Variants in MICB observed in about 807,000 individuals in gnomAD.
MICB encodes the protein MHC class I polypeptide-related sequence B, also known as MHC class I antigen-related protein B.
Under a neutral mutation model 34.3 loss-of-function variants are expected in MICB, and 27 were observed. The ratio of observed to expected loss-of-function variants is 0.79; its 90% CI spans 0.58 to 1.08. The LOEUF is 1.08. Among genes scored for constraint, MICB ranks in the 50% least tolerant of loss-of-function variants. The probability of loss-of-function intolerance (pLI) is 0.00; values close to 1 mark genes in which losing one functional copy is unlikely to be tolerated. For missense variants in MICB, 426 were observed against 483.1 expected, an observed-to-expected ratio of 0.88 and a Z score of 1.11; for synonymous variants, 153 against 187.4, an observed-to-expected ratio of 0.82 and a Z score of 1.50.
At chr6:31,508,383 G>C (rs1765473569) in intron 5 of MICB, among the ~76,000 whole-genome samples, 1 of 152,222 alleles carries the variant, frequency 6.6e-6, no homozygotes, top group Admixed American at 6.5e-5. Context: ...CAGAAGTTTT[G>C]TGTTTCTGCA....
chr6:31,503,241 T>C (rs1408656335), intron 1 of MICB, among the ~76,000 whole-genome samples: 4 of 152,270 alleles, frequency 2.6e-5, no homozygotes, highest in Admixed American at 2.6e-4. Flanking sequence ...CCTGGCTTTG[T>C]AAAATGAGTT....
chr6:31,498,062 C>T (rs1764764238), upstream of MICB: 1 of 573,660 alleles, frequency 1.7e-6, no homozygotes, highest in Admixed American at 3.8e-5. Context: ...GCCCTAAGTT[C>T]CGGGCCTCAG....
chr6:31,499,815 G>C (rs1456975475), intron 1 of MICB, among the ~76,000 whole-genome samples: 5 of 152,084 alleles, frequency 3.3e-5, no homozygotes, highest in African/African-American at 1.2e-4. Flanking sequence ...TTGGGACCTT[G>C]TGCTGCTCCT....
At chr6:31,503,098 T>A (rs4713468) in intron 1 of MICB, among the ~76,000 whole-genome samples, 51,425 of 152,072 alleles carry the variant, frequency 0.34, 8,836 homozygotes, top group East Asian at 0.46. Flanking sequence ...TGAAGAATGA[T>A]CTTTTTAATA....
rs530054404 is a variant in MICB, at chr6:31,509,925, G to A, written c.*16G>A. ...GGGCACCTAGACTCTACAGCCAGGCGGCCAGGATTCAACTCCCTGCCTGGA... is the reference window on the plus strand; with the variant it reads ...GGGCACCTAGACTCTACAGCCAGGCAGCCAGGATTCAACTCCCTGCCTGGA... On this transcript the variant is annotated 3_prime_UTR_variant, in exon 6 of 6. Transcript: ENST00000252229. 145 of 1,584,756 alleles carry A rather than the reference G, an allele frequency of 9.1e-5. No individual in the cohort carries two copies. The East Asian group carries it at 1.8e-3, about 20-fold the overall frequency.
intron 1 of MICB, among the ~76,000 whole-genome samples, chr6:31,502,371 G>A (rs3095232): frequency 0.8 from 122,075 of 152,128 alleles, 49,259 homozygotes; most frequent in East Asian, 0.89. Flanking sequence ...CTTCCAGTCC[G>A]TGAACATGGA....
rs1449792562 is a variant in MICB, at chr6:31,498,232, C to T, written c.39C>T (p.Ala13=). Residue 13 remains alanine, a synonymous_variant, in exon 1 of 6, where the codon GCC becomes GCT. Transcript: ENST00000252229. The part of the protein sequence containing the change: ...LGRVLLFLAV[A]FPFAPPAAAA... Reference sequence around the variant, plus strand: ...GGGTCCTGCTGTTTCTGGCCGTCGCCTTCCCTTTTGCACCCCCGGCAGCCG... The same window carrying T: ...GGGTCCTGCTGTTTCTGGCCGTCGCTTTCCCTTTTGCACCCCCGGCAGCCG... The T allele has an allele frequency of 3.2e-6, 5 of 1,584,908 alleles. No homozygotes were observed. In the East Asian group the frequency reaches 7.3e-5, roughly 23 times the overall value.
At chr6:31,499,189 G>C (rs777460230) in intron 1 of MICB, among the ~76,000 whole-genome samples, 46 of 151,900 alleles carry the variant, frequency 3.0e-4, no homozygotes, top group Middle Eastern at 6.8e-3. Flanking sequence ...TGCGACTTCT[G>C]TCATCCCCAG....
rs747435543 is a variant in MICB, at chr6:31,507,010, T to G, written c.614-12T>G. On this transcript the variant is annotated splice_polypyrimidine_tract_variant and intron_variant, in intron 3 of 5. Transcript: ENST00000252229. This position sits in a 1 kb window ranked among gnomAD's most constrained non-coding sequence, Gnocchi z 6.0. ...GAGCAGGGCTTCACTGGCTCTGCCC[T>G]TTCTTCTCCAGTGCCCCCCATGGTG... 6.2e-7 allele frequency: 1 copy of G among 1,609,896 alleles called. No homozygotes were observed. Among genetic ancestry groups the G allele is most frequent in the South Asian group, 1.1e-5 (1 of 90,386 alleles).
rs901099737 is a variant in MICB, at chr6:31,510,821, C to T, written c.*912C>T. On this transcript the variant is annotated 3_prime_UTR_variant, in exon 6 of 6. Transcript: ENST00000252229. ...TTGGCATCCCAAAGTGCTGGGATTA[C>T]AAGAATGAGCCACCGTGCCTGGCCT... 2 of 152,182 alleles carry T rather than the reference C, an allele frequency of 1.3e-5. No individual in the cohort carries two copies. Among genetic ancestry groups the T allele is most frequent in the African/African-American group, 4.8e-5 (2 of 41,432 alleles). The allele number at this position is 152,182 out of a possible 1,614,324, so 9.4% of individuals were successfully genotyped here.
chr6:31,498,100 G>A, upstream of MICB: 6 of 1,017,754 alleles, frequency 5.9e-6, no homozygotes, highest in Non-Finnish European at 8.4e-6. Flanking sequence ...GTCGCTGAGC[G>A]GGGCGCAGGT....
upstream of MICB, among the ~76,000 whole-genome samples, chr6:31,495,222 A>ATTATT: frequency 6.6e-6 from 1 of 152,278 alleles, no homozygotes; most frequent in East Asian, 1.9e-4. Flanking sequence ...TAAATGCCTT[A>ATTATT]GAACAAACCT....
intron 1 of MICB, among the ~76,000 whole-genome samples, chr6:31,500,126 G>A (rs1190238464): frequency 9.6e-4 from 145 of 150,810 alleles, no homozygotes; most frequent in African/African-American, 3.0e-3. Flanking sequence ...GACCCCAGTG[G>A]GCTCTCACTC....
At chr6:31,497,781 G>C (rs2534672), upstream of MICB, among the ~76,000 whole-genome samples, 47,868 of 152,004 alleles carry the variant, frequency 0.31, 7,765 homozygotes, top group Middle Eastern at 0.39. Context: ...GGGAGGACCG[G>C]CGAAAGGGGC....
rs556992410 is a variant in MICB at position 31,506,502 on chromosome 6, C to T, written c.613+72C>T. On this transcript the variant is annotated intron_variant, in intron 3 of 5. Transcript: ENST00000252229. Reference sequence around the variant, plus strand: ...AGTTGCCTCGCCTCCCAGCTCTGTCCGGGGAAACCCTCCCTGTGCTATGGA... The same window carrying T: ...AGTTGCCTCGCCTCCCAGCTCTGTCTGGGGAAACCCTCCCTGTGCTATGGA... 14 of 1,513,276 alleles carry T rather than the reference C, an allele frequency of 9.3e-6. No homozygotes were observed. In the South Asian group the frequency reaches 1.0e-4, roughly 11 times the overall value. The allele number at this position is 1,513,276 out of a possible 1,614,324, so 93.7% of individuals were successfully genotyped here.
rs1334366992 is a variant in MICB at position 31,505,191 on chromosome 6, T to A, written c.71-426T>A. On this transcript the variant is annotated intron_variant, in intron 1 of 5. Transcript: ENST00000252229. ...CTCAAGGCAGCTCGCCTTGCCTCCA[T>A]CTCACCCTCACCTGTGCACCACAGC... Among the ~76,000 whole-genome samples, 19 of 150,740 alleles carry A rather than the reference T, an allele frequency of 1.3e-4. 1 individual carries two copies. The highest frequency in any genetic ancestry group is 7.2e-4 in the Admixed American group (11 of 15,216).
In MICB at chr6:31,507,864, G is replaced by A. The variant is rs188515395; in HGVS notation, c.1024+333G>A. Among the ~76,000 whole-genome samples, 1 of 152,282 alleles carries A rather than the reference G, an allele frequency of 6.6e-6. No homozygotes were observed. Among genetic ancestry groups the A allele is most frequent in the Admixed American group, 6.5e-5 (1 of 15,302 alleles). ...TCACTAGGGTGCGTCCAGGTGGGGT[G>A]AGTTGGGAATCACGTGCTGATTGCT... On this transcript the variant is annotated intron_variant, in intron 5 of 5. Transcript: ENST00000252229. The surrounding 1 kb of genome is among the most constrained non-coding windows in gnomAD (Gnocchi z 6.0).
At chr6:31,498,765 CCTCCTGT>C (rs1764846644) in intron 1 of MICB, 1 of 158,582 alleles carries the variant, frequency 6.3e-6, no homozygotes, top group South Asian at 1.8e-4. Flanking sequence ...CCGCGCCCGA[CCTCCTGT>C]CTCCTTTCAG....
intron 1 of MICB, among the ~76,000 whole-genome samples, chr6:31,502,023 G>T (rs774682754): frequency 9.2e-5 from 14 of 152,278 alleles, no homozygotes; most frequent in Middle Eastern, 6.8e-3. Flanking sequence ...GCTTTGGGTA[G>T]GATGGATATT....
Sources: allele counts gnomAD v4.1 joint callset (sites outside exome capture counted in the v4.1 genomes callset), GRCh38; gene constraint gnomAD v4.1.1; non-coding constraint Gnocchi (gnomAD v3.1); transcripts MANE v1.5; gene names NCBI Gene and HGNC (gene_info 2026-07-23, HGNC 2026-07-21).